Variants in AHNAK observed in about 807,000 individuals in gnomAD.
AHNAK encodes neuroblast differentiation-associated protein AHNAK.
AHNAK carries 23 observed loss-of-function variants against 37.8 expected under a neutral mutation model. The observed-to-expected ratio is 0.61, with a 90% CI of 0.44 to 0.86. AHNAK has a LOEUF of 0.86. Ranked by LOEUF, AHNAK falls within the 40% of genes least tolerant of loss-of-function variation. The pLI is 0.00. For synonymous variants in AHNAK, 2,481 were observed against 2,636.3 expected, an observed-to-expected ratio of 0.94 and a Z score of 1.80; for missense variants, 7,411 against 7,319.4, an observed-to-expected ratio of 1.01 and a Z score of -0.46.
chr11:62,490,946 C>T (rs768895704), intron 5 of AHNAK, among the ~76,000 whole-genome samples: 1 of 151,988 alleles, frequency 6.6e-6, no homozygotes, highest in Non-Finnish European at 1.5e-5. Context: ...TGCCACCATA[C>T]CCGGCTAATT....
chr11:62,453,843 C>T (rs1426709842), intron 5 of AHNAK, among the ~76,000 whole-genome samples: 1 of 152,208 alleles, frequency 6.6e-6, no homozygotes, highest in East Asian at 1.9e-4. Flanking sequence ...CCCATCTGGC[C>T]GGGCGCGGTG....
chr11:62,498,667 C>T (rs1939658631), intron 4 of AHNAK, among the ~76,000 whole-genome samples: 1 of 150,824 alleles, frequency 6.6e-6, no homozygotes, highest in Admixed American at 6.6e-5. Context: ...GTAAGAGCTA[C>T]TCAGAAAGCT....
intron 4 of AHNAK, among the ~76,000 whole-genome samples, chr11:62,498,324 AGT>A (rs1277641858): frequency 6.6e-6 from 1 of 152,134 alleles, no homozygotes; most frequent in African/African-American, 2.4e-5. Flanking sequence ...GGAGCACGCA[AGT>A]GTGTTTGGAA....
At chr11:62,435,681 G>A (rs1938152335) in intron 5 of AHNAK, among the ~76,000 whole-genome samples, 1 of 152,138 alleles carries the variant, frequency 6.6e-6, no homozygotes, top group Admixed American at 6.5e-5. Context: ...CCAAAGTGCT[G>A]GGATTACAGG....
intron 4 of AHNAK, among the ~76,000 whole-genome samples, chr11:62,502,939 G>C (rs1230120485): frequency 6.6e-6 from 1 of 152,184 alleles, no homozygotes; most frequent in African/African-American, 2.4e-5. Flanking sequence ...GCATTGGCTG[G>C]AGTATGAAAA....
intron 5 of AHNAK, among the ~76,000 whole-genome samples, chr11:62,484,377 C>T (rs1008303165): frequency 6.6e-6 from 1 of 151,924 alleles, no homozygotes; most frequent in Non-Finnish European, 1.5e-5. Flanking sequence ...CAGAGTGAGA[C>T]CCTGTCTCTG....
intron 4 of AHNAK, among the ~76,000 whole-genome samples, chr11:62,499,392 T>C (rs1438525937): frequency 6.6e-6 from 1 of 151,924 alleles, no homozygotes; most frequent in Non-Finnish European, 1.5e-5. Flanking sequence ...CTACTAAAAA[T>C]ACAAAAAAAT....
At position 62,523,511 on chromosome 11, in the gene AHNAK, G is replaced by A; in HGVS notation, c.10906C>T (p.Pro3636Ser). 1.2e-6 allele frequency: 2 copies of A among 1,613,944 alleles called. No individual in the cohort carries two copies. Among genetic ancestry groups the A allele is most frequent in the African/African-American group, 1.3e-5 (1 of 74,938 alleles). ...LPKADIDISG[P>S]NVDVDVPDVN... ...TCTGGAACATCAACGTCTACATTGG[G>A]ACCAGAAATGTCAATGTCAGCTTTA... The change falls in exon 5 of 5, where the codon CCC becomes TCC. Residue 3636 changes from proline to serine, a missense_variant. By Grantham distance (74) the Pro-to-Ser change is moderately conservative. Coordinates refer to ENST00000378024, the MANE Select transcript of AHNAK (RefSeq NM_001620.3).
Position 62,483,228 on chromosome 11 carries a change from C to T in AHNAK, c.442+8504G>A, listed in dbSNP as rs139283208. ...GTGGGCTGCAGGCCTTCTGCTTTAC[C>T]AGAAGAATGCTGCAGGCTCATGAAT... On this transcript the variant is annotated intron_variant, in intron 5 of 5. Coordinates refer to the AHNAK transcript ENST00000257247. 3.8e-3 allele frequency among the ~76,000 whole-genome samples: 571 copies of T among 152,260 alleles called. 6 individuals are homozygous for T. Among genetic ancestry groups the T allele is most frequent in the African/African-American group, 0.013 (554 of 41,510 alleles).
chr11:62,466,513 T>C (rs946796412), intron 5 of AHNAK, among the ~76,000 whole-genome samples: 1 of 144,816 alleles, frequency 6.9e-6, no homozygotes, highest in Non-Finnish European at 1.5e-5. Flanking sequence ...TTCTCATTTC[T>C]CCCAACTCAG....
Position 62,530,299 on chromosome 11 carries a change from A to G in AHNAK, c.4118T>C (p.Val1373Ala). 5.0e-6 allele frequency: 8 copies of G among 1,612,888 alleles called. No individual in the cohort carries two copies. Among genetic ancestry groups the G allele is most frequent in the Non-Finnish European group, 6.8e-6 (8 of 1,179,726 alleles). Residue 1373 changes from valine to alanine, a missense_variant, in exon 5 of 5, where the codon GTT (valine) becomes GCT (alanine). Val to Ala is a moderately conservative substitution (Grantham distance 64). Coordinates refer to ENST00000378024, the MANE Select transcript of AHNAK (RefSeq NM_001620.3). ...CTTCAGGTGCCAATCTGGGCCATGA[A>G]CATCCACATCTGGAGCACTAATGTC... is the stretch of plus-strand genomic sequence containing the variant. ...KVDISAPDVD[V>A]HGPDWHLKMP...
Position 62,532,414 on chromosome 11 carries a change from G to A in AHNAK, c.2003C>T (p.Ala668Val), listed in dbSNP as rs553828214. The change falls in exon 5 of 5, where the codon GCC becomes GTC. Residue 668 changes from alanine (A) to valine (V), a missense_variant. Transcript: ENST00000378024. ...SISGPKVNVE[A>V]PDVNLEGLGG... Reference sequence around the variant, plus strand: ...CAGACCCTCCAAGTTGACATCTGGGGCTTCCACATTGACCTTGGGCCCTGA... The same window carrying A: ...CAGACCCTCCAAGTTGACATCTGGGACTTCCACATTGACCTTGGGCCCTGA... 30 of 1,613,950 alleles carry A rather than the reference G, an allele frequency of 1.9e-5. No homozygotes were observed. The highest frequency in any genetic ancestry group is 2.5e-5 in the Non-Finnish European group (30 of 1,180,042).
downstream of AHNAK, among the ~76,000 whole-genome samples, chr11:62,511,856 G>C (rs1483067900): frequency 3.3e-5 from 5 of 152,030 alleles, no homozygotes; most frequent in South Asian, 1.0e-3. Context: ...GGGCTAGTTT[G>C]TTTCTTTTCT....
chr11:62,489,866 G>T (rs986793053), intron 5 of AHNAK, among the ~76,000 whole-genome samples: 1 of 152,120 alleles, frequency 6.6e-6, no homozygotes, highest in African/African-American at 2.4e-5. Flanking sequence ...GCCTAGGAAG[G>T]GAGGGCAAAG....
chr11:62,457,908 ATTTTTTT>A (rs373610508), intron 5 of AHNAK, among the ~76,000 whole-genome samples: 1 of 123,494 alleles, frequency 8.1e-6, no homozygotes, highest in East Asian at 2.5e-4. Context: ...GAGAAGCTGA[ATTTTTTT>A]TTTTTTTTTT....
chr11:62,534,181 G>A (rs1374547472), intron 4 of AHNAK, 107 bp from the exon 5 acceptor site: 7 of 1,266,152 alleles, frequency 5.5e-6, no homozygotes, highest in Admixed American at 2.9e-5. Context: ...CAGAGAAGCT[G>A]GGACCAAAAC....
intron 5 of AHNAK, among the ~76,000 whole-genome samples, chr11:62,465,430 T>C (rs1261620751): frequency 6.6e-6 from 1 of 152,020 alleles, no homozygotes; most frequent in East Asian, 1.9e-4. Context: ...CTGACCAACA[T>C]GGTGAAACCC....
intron 5 of AHNAK, among the ~76,000 whole-genome samples, chr11:62,456,782 C>A (rs1938667950): frequency 6.6e-6 from 1 of 152,172 alleles, no homozygotes; most frequent in Non-Finnish European, 1.5e-5. Flanking sequence ...AAGCCCCACC[C>A]CTGCCACCGC....
intron 5 of AHNAK, among the ~76,000 whole-genome samples, chr11:62,484,594 A>C (rs1234275613): frequency 6.6e-6 from 1 of 152,132 alleles, no homozygotes. Flanking sequence ...AAGGAACAGC[A>C]AGGAGCCCCT....
Sources: allele counts gnomAD v4.1 joint callset (sites outside exome capture counted in the v4.1 genomes callset), GRCh38; gene constraint gnomAD v4.1.1; transcripts MANE v1.5; gene names NCBI Gene and HGNC (gene_info 2026-07-23, HGNC 2026-07-21).